Variants in FAAH2 observed in about 807,000 individuals in gnomAD.
FAAH2 encodes fatty acid amide hydrolase 2, also known as fatty-acid amide hydrolase 2.
Under a neutral mutation model 36.9 loss-of-function variants are expected in FAAH2, and 60 were observed. The ratio of observed to expected loss-of-function variants is 1.63; its 90% confidence interval spans 1.32 to 2.02. FAAH2 has a LOEUF of 2.02. Ranked by LOEUF, FAAH2 falls within the 30% of genes most tolerant of loss-of-function variation. The pLI, the probability that FAAH2 is intolerant of heterozygous loss-of-function variation, is 0.00. For missense variants in FAAH2, 689 were observed against 397.5 expected (o/e 1.73, Z -6.23); for synonymous variants, 214 against 143.8 (o/e 1.49, Z -3.49).
At chrX:57,479,499 T>C (rs1307401486) in intron 10 of FAAH2, among the ~76,000 whole-genome samples, 1 of 111,290 alleles carries the variant, frequency 9.0e-6, no homozygotes, top group African/African-American at 3.3e-5. Context: ...CCTGCCTAAT[T>C]TCCCTGGCCA....
chrX:57,329,461 A>AGTGCTG (rs1326892832), intron 3 of FAAH2, among the ~76,000 whole-genome samples: 1 of 110,588 alleles, frequency 9.0e-6, no homozygotes, highest in Non-Finnish European at 1.9e-5. Flanking sequence ...CAGCACTGAA[A>AGTGCTG]GTAGGTACTG....
chrX:57,416,000 T>A (rs180828691), intron 7 of FAAH2, among the ~76,000 whole-genome samples: 1 of 111,820 alleles, frequency 8.9e-6, no homozygotes, highest in Non-Finnish European at 1.9e-5. Flanking sequence ...TGTATTTTTT[T>A]AATCTTTGTT....
intron 8 of FAAH2, among the ~76,000 whole-genome samples, chrX:57,438,131 G>A (rs760268714): frequency 9.6e-6 from 1 of 104,393 alleles, no homozygotes; most frequent in Non-Finnish European, 1.9e-5. Context: ...ATGTATACAC[G>A]TGTATATATA....
chrX:57,171,581 T>C, the FAAH2 span, among the ~76,000 whole-genome samples: 1 of 111,785 alleles, frequency 8.9e-6, no homozygotes, highest in African/African-American at 3.2e-5. Flanking sequence ...TCTAGTCATG[T>C]CATTTGCCCC....
At chrX:57,337,054 T>A (rs1334740399) in intron 4 of FAAH2, among the ~76,000 whole-genome samples, 2 of 110,259 alleles carry the variant, frequency 1.8e-5, no homozygotes, top group Non-Finnish European at 3.8e-5. Context: ...ATCGGAATGA[T>A]AAGGGGTTAT....
chrX:57,138,123 C>T, the FAAH2 span, among the ~76,000 whole-genome samples: 7 of 112,088 alleles, frequency 6.2e-5, no homozygotes, highest in Non-Finnish European at 1.1e-4. Context: ...TTATTTTAAG[C>T]TTAAAGAGTT....
At chrX:57,299,595 G>A (rs1205720470) in intron 2 of FAAH2, among the ~76,000 whole-genome samples, 1 of 112,084 alleles carries the variant, frequency 8.9e-6, no homozygotes, top group African/African-American at 3.2e-5. Context: ...AGTGTTGGAA[G>A]TTCTGTCCAG....
intron 8 of FAAH2, among the ~76,000 whole-genome samples, chrX:57,442,417 G>C (rs1024651380): frequency 9.0e-6 from 1 of 111,211 alleles, no homozygotes; most frequent in African/African-American, 3.3e-5. Flanking sequence ...TTTTATCAGA[G>C]ACTAGGATTG....
the FAAH2 span, among the ~76,000 whole-genome samples, chrX:57,213,696 G>A: frequency 3.6e-5 from 4 of 111,803 alleles, no homozygotes; most frequent in East Asian, 1.1e-3. Flanking sequence ...TAAGATACTT[G>A]GTATGATTTT....
intron 2 of FAAH2, among the ~76,000 whole-genome samples, chrX:57,294,684 C>A (rs1006179959): frequency 8.9e-6 from 1 of 111,845 alleles, no homozygotes; most frequent in Non-Finnish European, 1.9e-5. Context: ...CATGTTATTA[C>A]TTTTGCCTGG....
the FAAH2 span, among the ~76,000 whole-genome samples, chrX:57,190,710 C>T: frequency 1.8e-5 from 2 of 110,220 alleles, no homozygotes; most frequent in South Asian, 8.1e-4. Context: ...TTCTGCTCAC[C>T]CTCCTTGGGA....
chrX:57,270,238 C>G, the FAAH2 span, among the ~76,000 whole-genome samples: 1 of 111,281 alleles, frequency 9.0e-6, no homozygotes, highest in Non-Finnish European at 1.9e-5. Context: ...TCCTATCAAC[C>G]AATAAAAGCC....
chrX:57,243,656 G>T, the FAAH2 span, among the ~76,000 whole-genome samples: 1 of 112,053 alleles, frequency 8.9e-6, no homozygotes, highest in Non-Finnish European at 1.9e-5. Context: ...CAGCAGAGGG[G>T]CCTGACTGTT....
chrX:57,139,106 T>C, the FAAH2 span, among the ~76,000 whole-genome samples: 3 of 112,403 alleles, frequency 2.7e-5, no homozygotes, highest in African/African-American at 6.5e-5. Flanking sequence ...TGCTTTGAGG[T>C]CTTACTCAAG....
intron 2 of FAAH2, among the ~76,000 whole-genome samples, chrX:57,306,400 A>C (rs2052523711): frequency 9.0e-6 from 1 of 110,952 alleles, no homozygotes; most frequent in Admixed American, 9.7e-5. Flanking sequence ...TTGTACTTTT[A>C]CTGGCTTATG....
At chrX:57,214,294 C>A in the FAAH2 span, among the ~76,000 whole-genome samples, 1 of 112,095 alleles carries the variant, frequency 8.9e-6, no homozygotes, top group Non-Finnish European at 1.9e-5. Context: ...TCATTTACTA[C>A]CAAGATTAAT....
intron 7 of FAAH2, among the ~76,000 whole-genome samples, chrX:57,429,020 C>G (rs763461300): frequency 1.8e-5 from 2 of 111,538 alleles, no homozygotes; most frequent in Non-Finnish European, 3.8e-5. Flanking sequence ...ACAAAGAACT[C>G]AGACATCTCA....
chrX:57,453,465 C>T (rs1048227529), intron 10 of FAAH2, among the ~76,000 whole-genome samples: 1 of 111,494 alleles, frequency 9.0e-6, no homozygotes, highest in African/African-American at 3.3e-5. Context: ...TCCTGTTATC[C>T]AGGGAAACAG....
chrX:57,252,276 G>C, the FAAH2 span, among the ~76,000 whole-genome samples: 2 of 112,790 alleles, frequency 1.8e-5, no homozygotes, highest in South Asian at 7.2e-4. Context: ...TCAGCAAGAC[G>C]TACTGCCTTT....
Sources: allele counts gnomAD v4.1 joint callset (sites outside exome capture counted in the v4.1 genomes callset), GRCh38; gene constraint gnomAD v4.1.1; transcripts MANE v1.5; gene names NCBI Gene and HGNC (gene_info 2026-07-23, HGNC 2026-07-21).